Variants in ANAPC10 observed in about 807,000 individuals in gnomAD.
ANAPC10 encodes the protein anaphase promoting complex subunit 10, also known as anaphase-promoting complex subunit 10.
In ANAPC10, 12 loss-of-function variants were observed where a neutral mutation model predicts 22.0. The observed-to-expected ratio is 0.55, with a 90% CI of 0.35 to 0.88. ANAPC10 has a LOEUF of 0.88. Ranked by LOEUF, ANAPC10 falls within the 40% of genes least tolerant of loss-of-function variation. The pLI is 0.01. For missense variants in ANAPC10, 188 were observed against 220.9 expected, an observed-to-expected ratio of 0.85 and a Z score of 0.94; for synonymous variants, 65 against 69.5, an observed-to-expected ratio of 0.94 and a Z score of 0.32.
intron 4 of ANAPC10, among the ~76,000 whole-genome samples, chr4:145,014,007 G>A (rs1366148130): frequency 6.6e-6 from 1 of 152,094 alleles, no homozygotes; most frequent in Non-Finnish European, 1.5e-5. Flanking sequence ...CCAGCGGTGC[G>A]GAGAAAATGC....
At chr4:145,048,954 C>T (rs1431205579) in intron 4 of ANAPC10, among the ~76,000 whole-genome samples, 1 of 152,132 alleles carries the variant, frequency 6.6e-6, no homozygotes, top group Non-Finnish European at 1.5e-5. Context: ...ATCCCAGATA[C>T]ATTGTGGGTC....
intron 4 of ANAPC10, among the ~76,000 whole-genome samples, chr4:145,025,464 G>T (rs1736522922): frequency 6.6e-6 from 1 of 151,642 alleles, no homozygotes; most frequent in South Asian, 2.1e-4. Context: ...ATATTGTTGT[G>T]TCTCAACCAA....
intron 4 of ANAPC10, among the ~76,000 whole-genome samples, chr4:145,047,796 A>G (rs1393908550): frequency 6.6e-6 from 1 of 152,190 alleles, no homozygotes; most frequent in African/African-American, 2.4e-5. Flanking sequence ...ACTGGCTGAC[A>G]GTAACTTTGA....
intron 3 of ANAPC10, among the ~76,000 whole-genome samples, chr4:145,080,369 A>G (rs1162778732): frequency 2.6e-5 from 4 of 152,190 alleles, no homozygotes. Context: ...GAAAATAAAT[A>G]AATCCTGCCT....
chr4:145,052,257 C>T (rs557417544), intron 4 of ANAPC10, among the ~76,000 whole-genome samples: 3 of 152,096 alleles, frequency 2.0e-5, no homozygotes, highest in South Asian at 2.1e-4. Flanking sequence ...CAGATTTAAG[C>T]GTTCACACCA....
At chr4:145,007,435 C>G (rs866687737) in intron 4 of ANAPC10, among the ~76,000 whole-genome samples, 2 of 151,032 alleles carry the variant, frequency 1.3e-5, no homozygotes. Context: ...TCACAACAAA[C>G]TGTCTCTCAG....
chr4:145,026,891 T>C lies in ANAPC10; in HGVS notation c.328-31288A>G, dbSNP rs1736734323. ...CAAGAAGAAGTCTTAGAAATTTATA[T>C]ATACAAATGAAGTTTTTGCCTATAC... On this transcript the variant is annotated intron_variant, in intron 4 of 4. Coordinates refer to ENST00000507656, the MANE Select transcript of ANAPC10 (RefSeq NM_001256706.2). Among the ~76,000 whole-genome samples the C allele has an allele frequency of 2.3e-5, 3 of 129,840 alleles. No homozygotes were observed. In the South Asian group the frequency reaches 7.9e-4, roughly 34 times the overall value. 85.2% of individuals were successfully genotyped at this position (129,840 alleles called of 152,430 possible).
At position 145,054,347 on chromosome 4, in the gene ANAPC10, C is replaced by T. The variant is rs191126044; in HGVS notation, c.327+10225G>A. Among the ~76,000 whole-genome samples the T allele has an allele frequency of 4.3e-3, 648 of 149,500 alleles. 3 individuals carry two copies. The highest frequency in any genetic ancestry group is 0.015 in the African/African-American group (593 of 40,752). ...AGGGCAGATCATGAGGTCAGGAGAT[C>T]GAGACCATCCTGGCCAACATGGTGA... On this transcript the variant is annotated intron_variant, in intron 4 of 4. Transcript: ENST00000507656.
chr4:144,995,412 A>C lies in ANAPC10; in HGVS notation c.519T>G (p.Cys173Trp). 1 of 1,613,284 alleles carries C rather than the reference A, an allele frequency of 6.2e-7. No homozygotes were observed. Residue 173 changes from cysteine (C) to tryptophan (W), a missense_variant, in exon 5 of 5, where the codon TGT (cysteine) becomes TGG (tryptophan). Cys to Trp is a radical substitution (Grantham distance 215, BLOSUM62 -2). Coordinates refer to ENST00000507656, the MANE Select transcript of ANAPC10 (RefSeq NM_001256706.2). The stretch of plus-strand genomic sequence containing the variant: ...GATACATCATGAAATCTATAGTTGT[A>C]CATCTAGGAAATTTACCAATGGAGC... Reference protein sequence around the residue: ...EESSIGKFPRCTTIDFMMYRS... With the variant: ...EESSIGKFPRWTTIDFMMYRS...
intron 4 of ANAPC10, chr4:145,053,861 T>C (rs1046632966): frequency 7.5e-6 from 4 of 531,134 alleles, no homozygotes; most frequent in Admixed American, 6.9e-5. Flanking sequence ...CTTCAGCAGG[T>C]AGTTTCAGCA....
chr4:145,063,159 G>C (rs1189555499), intron 4 of ANAPC10, among the ~76,000 whole-genome samples: 2 of 152,128 alleles, frequency 1.3e-5, no homozygotes, highest in Admixed American at 6.5e-5. Flanking sequence ...AGTGGATTTT[G>C]AGAGTTCTCA....
At chr4:145,010,372 A>G (rs1208278178) in intron 4 of ANAPC10, among the ~76,000 whole-genome samples, 1 of 152,164 alleles carries the variant, frequency 6.6e-6, no homozygotes, top group Non-Finnish European at 1.5e-5. Context: ...ACACACGCAC[A>G]CTTATGTTTA....
chr4:145,041,980 A>G (rs1739587393), intron 4 of ANAPC10, among the ~76,000 whole-genome samples: 1 of 152,206 alleles, frequency 6.6e-6, no homozygotes, highest in African/African-American at 2.4e-5. Flanking sequence ...TTCTATATAG[A>G]AAGTTAAAAA....
At chr4:144,998,873 C>T (rs62343141) in intron 4 of ANAPC10, among the ~76,000 whole-genome samples, 1 of 151,672 alleles carries the variant, frequency 6.6e-6, no homozygotes, top group Non-Finnish European at 1.5e-5. Context: ...CCGCTAGCAA[C>T]ACTAATAAAG....
chr4:145,078,762 A>C (rs1745545331), intron 3 of ANAPC10, among the ~76,000 whole-genome samples: 1 of 152,324 alleles, frequency 6.6e-6, no homozygotes, highest in South Asian at 2.1e-4. Flanking sequence ...AGTTGGCAAT[A>C]ACAAGCAAAG....
intron 4 of ANAPC10, among the ~76,000 whole-genome samples, chr4:144,999,734 C>T (rs1037749974): frequency 7.2e-5 from 11 of 152,092 alleles, no homozygotes; most frequent in African/African-American, 2.2e-4. Context: ...AAAAAGAGCC[C>T]GCATTGCCAA....
chr4:145,078,019 C>T (rs1301138131), intron 3 of ANAPC10, among the ~76,000 whole-genome samples: 2 of 152,206 alleles, frequency 1.3e-5, no homozygotes, highest in Non-Finnish European at 2.9e-5. Flanking sequence ...GAGGTCCTAG[C>T]CACAGCAATC....
chr4:145,029,823 G>A (rs535738062), intron 4 of ANAPC10, among the ~76,000 whole-genome samples: 3 of 152,116 alleles, frequency 2.0e-5, no homozygotes, highest in Non-Finnish European at 2.9e-5. Context: ...CCAGCTGGGA[G>A]GGTCCAGAAG....
intron 2 of ANAPC10, among the ~76,000 whole-genome samples, chr4:145,093,399 A>G (rs1446240770): frequency 6.6e-6 from 1 of 152,074 alleles, no homozygotes; most frequent in Non-Finnish European, 1.5e-5. Flanking sequence ...TGTAAAAACT[A>G]TTTATCTCAG....
Sources: allele counts gnomAD v4.1 joint callset (sites outside exome capture counted in the v4.1 genomes callset), GRCh38; gene constraint gnomAD v4.1.1; transcripts MANE v1.5; gene names NCBI Gene and HGNC (gene_info 2026-07-23, HGNC 2026-07-21).